SYNE2: variants seen among roughly 807,000 people sequenced by gnomAD.
The protein encoded by SYNE2 is nesprin-2.
Under a neutral mutation model 856.3 loss-of-function variants are expected in SYNE2, and 431 were observed. The ratio of observed to expected loss-of-function variants is 0.50; its 90% CI spans 0.47 to 0.55. The LOEUF (loss-of-function observed/expected upper bound fraction) is 0.55, where lower values mean the gene tolerates loss of function less well. SYNE2 is among the 20% of genes least tolerant of loss of function. The pLI is 0.00. For synonymous variants in SYNE2, 2,923 were observed against 2,872.3 expected (o/e 1.02, Z -0.56); for missense variants, 8,129 against 8,023.2 (o/e 1.01, Z -0.50).
intron 85 of SYNE2, among the ~76,000 whole-genome samples, chr14:64,154,792 C>CAAA (rs34020154): frequency 5.5e-5 from 5 of 91,114 alleles, no homozygotes; most frequent in African/African-American, 1.2e-4. Context: ...GACCCTGTCT[C>CAAA]AAAAAAAAAA....
chr14:63,943,462 CAT>C (rs773336531), intron 6 of SYNE2, among the ~76,000 whole-genome samples: 14 of 151,892 alleles, frequency 9.2e-5, no homozygotes, highest in African/African-American at 2.2e-4. Context: ...GCATAACTAA[CAT>C]ATAAAATTTA....
At chr14:64,137,703 G>A in intron 78 of SYNE2, 84 bp from the exon 79 acceptor site, 1 of 1,393,564 alleles carries the variant, frequency 7.2e-7, no homozygotes, top group Non-Finnish European at 1.0e-6. Flanking sequence ...GGACACAAAT[G>A]TCAGTTTTAA....
rs776141242 is a variant in SYNE2, at chr14:64,219,409, A to C, written c.19859A>C (p.Gln6620Pro). 1 of 1,613,978 alleles carries C rather than the reference A, an allele frequency of 6.2e-7. No individual in the cohort carries two copies. Among genetic ancestry groups the C allele is most frequent in the Non-Finnish European group, 8.5e-7 (1 of 1,179,948 alleles). The change falls in exon 110 of 116, where the codon CAG becomes CCG. Residue 6620 changes from glutamine to proline, a missense_variant and splice_region_variant. Physicochemically the swap from Gln to Pro is moderately conservative, Grantham distance 76. This residue lies in a region of SYNE2 where 5,410 missense variants were observed against 5,284.8 expected (regional missense o/e 1.02). Coordinates refer to ENST00000555002, the MANE Select transcript of SYNE2 (RefSeq NM_182914.3). ...QEIELRVKRL[Q>P]EILKAFDTYK... ...ATAGAACTGAGAGTGAAGAGACTGC[A>C]GGTGAGTTAGAGGTGTGGTGGGGAA...
intron 7 of SYNE2, among the ~76,000 whole-genome samples, chr14:63,953,543 GAGATAGAT>G (rs59456660): frequency 3.8e-4 from 34 of 90,500 alleles, no homozygotes; most frequent in Admixed American, 3.0e-3. Flanking sequence ...GAGAGAGAGA[GAGATAGAT>G]AGATAGATAG....
At chr14:64,154,168 T>TTA (rs1274828971) in intron 85 of SYNE2, among the ~76,000 whole-genome samples, 11 of 138,002 alleles carry the variant, frequency 8.0e-5, no homozygotes, top group African/African-American at 2.4e-4. Context: ...CCATTTGTAT[T>TTA]AAAAAAAAAA....
chr14:63,781,324 T>C (rs1443998799), intron 1 of SYNE2, among the ~76,000 whole-genome samples: 1 of 150,290 alleles, frequency 6.7e-6, no homozygotes, highest in Non-Finnish European at 1.5e-5. Flanking sequence ...TGTATGGAAA[T>C]TTTACCTGAA....
chr14:63,855,269 T>C (rs997100524), intron 1 of SYNE2, among the ~76,000 whole-genome samples: 4 of 152,224 alleles, frequency 2.6e-5, no homozygotes, highest in Non-Finnish European at 5.9e-5. Context: ...TAAAATATAT[T>C]GCTAAACTAA....
At chr14:64,121,912 G>C in intron 68 of SYNE2, 100 bp from the exon 69 acceptor site, 1 of 1,482,720 alleles carries the variant, frequency 6.7e-7, no homozygotes, top group South Asian at 1.2e-5. Context: ...TAATGATTTA[G>C]GAACTGGCTC....
chr14:64,135,090 A>T (rs138084738), intron 78 of SYNE2, among the ~76,000 whole-genome samples: 1 of 152,364 alleles, frequency 6.6e-6, no homozygotes, highest in African/African-American at 2.4e-5. Flanking sequence ...GAAAGAAAAG[A>T]TAAAACCTCA....
At chr14:63,994,996 G>T (rs1319584999) in intron 22 of SYNE2, 48 bp from the exon 23 acceptor site, 1 of 1,234,076 alleles carries the variant, frequency 8.1e-7, no homozygotes, top group African/African-American at 1.5e-5. Context: ...ATACTTTTTT[G>T]TATATTTTGT....
At chr14:63,983,244 C>T (rs1014528238) in intron 17 of SYNE2, among the ~76,000 whole-genome samples, 1 of 152,124 alleles carries the variant, frequency 6.6e-6, no homozygotes, top group Non-Finnish European at 1.5e-5. Context: ...CATTTGAGTT[C>T]TTTTAACTTT....
chr14:64,064,542 AT>A (rs369447974), intron 50 of SYNE2, among the ~76,000 whole-genome samples: 15,809 of 103,502 alleles, frequency 0.15, 1,711 homozygotes, highest in African/African-American at 0.34. Context: ...GTACTTTTAG[AT>A]TTTTTTTTTT....
intron 1 of SYNE2, among the ~76,000 whole-genome samples, chr14:63,867,621 C>A (rs1895745482): frequency 6.6e-6 from 1 of 152,050 alleles, no homozygotes; most frequent in African/African-American, 2.4e-5. Flanking sequence ...TCGCTTGAAC[C>A]CAGGAGGTGA....
At chr14:64,131,864 C>T (rs2098025066) in intron 76 of SYNE2, among the ~76,000 whole-genome samples, 1 of 152,174 alleles carries the variant, frequency 6.6e-6, no homozygotes, top group South Asian at 2.1e-4. Context: ...TGGAAAATAA[C>T]ACCTAAGGGT....
intron 2 of SYNE2, among the ~76,000 whole-genome samples, chr14:63,916,991 GA>G (rs1308516318): frequency 2.6e-5 from 4 of 152,108 alleles, no homozygotes; most frequent in Non-Finnish European, 4.4e-5. Context: ...TTGGGAGGCT[GA>G]GGTGGGAGGA....
intron 87 of SYNE2, among the ~76,000 whole-genome samples, chr14:64,159,657 C>T (rs1484711378): frequency 6.6e-6 from 1 of 152,076 alleles, no homozygotes; most frequent in Non-Finnish European, 1.5e-5. Context: ...TATAATTAGT[C>T]TAGAAATGGC....
Position 64,075,953 on chromosome 14 carries a change from A to G in SYNE2, c.10875A>G (p.Gln3625=). 6.2e-7 allele frequency: 1 copy of G among 1,613,810 alleles called. No homozygotes were observed. Among genetic ancestry groups the G allele is most frequent in the Non-Finnish European group, 8.5e-7 (1 of 1,179,822 alleles). Residue 3625 remains glutamine (Q), a synonymous_variant, in exon 54 of 116, where the codon CAA becomes CAG. Transcript: ENST00000555002. ...PEKSEQFEEL[Q]SILKKGKLTF... The stretch of plus-strand genomic sequence containing the variant: ...TCTCTTAATGCTTTTAGGAGCTTCA[A>G]AGCATCCTTAAGAAAGGGAAACTAA...
intron 65 of SYNE2, chr14:64,113,044 A>G: frequency 1.0e-6 from 1 of 985,208 alleles, no homozygotes; most frequent in Admixed American, 6.1e-5. Flanking sequence ...ACACCCTGTC[A>G]CTCACATTCT....
intron 1 of SYNE2, among the ~76,000 whole-genome samples, chr14:63,807,335 C>A: frequency 7.2e-6 from 1 of 139,442 alleles, no homozygotes; most frequent in African/African-American, 2.8e-5. Flanking sequence ...GAACAAGACC[C>A]TGTCTCAAAA....
Sources: allele counts gnomAD v4.1 joint callset (sites outside exome capture counted in the v4.1 genomes callset), GRCh38; gene constraint gnomAD v4.1.1; regional missense constraint gnomAD v4.1.1; transcripts MANE v1.5; gene names NCBI Gene and HGNC (gene_info 2026-07-23, HGNC 2026-07-21).